Variants in CNTNAP1 observed in about 807,000 individuals in gnomAD.
The protein encoded by CNTNAP1 is contactin associated protein 1.
Under a neutral mutation model 161.5 loss-of-function variants are expected in CNTNAP1, and 80 were observed. The ratio of observed to expected loss-of-function variants is 0.50; its 90% CI spans 0.41 to 0.60. CNTNAP1 has a LOEUF of 0.60. Among genes scored for constraint, CNTNAP1 ranks in the 20% least tolerant of loss-of-function variants. The pLI, the probability that CNTNAP1 is intolerant of heterozygous loss-of-function variation, is 0.00. For missense variants in CNTNAP1, 1,464 were observed against 1,854.8 expected (o/e 0.79, Z 3.87); for synonymous variants, 695 against 733.1 (o/e 0.95, Z 0.84).
At chr17:42,694,251 A>C (rs905465504) in intron 18 of CNTNAP1, among the ~76,000 whole-genome samples, 2 of 150,804 alleles carry the variant, frequency 1.3e-5, no homozygotes, top group African/African-American at 2.4e-5. Context: ...GGCTCACTGC[A>C]ACCTCCACCT....
chr17:42,698,651 G>T lies in CNTNAP1; in HGVS notation c.3896G>T (p.Gly1299Val). 6.2e-7 allele frequency: 1 copy of T among 1,602,974 alleles called. No individual in the cohort carries two copies. Among genetic ancestry groups the T allele is most frequent in the Non-Finnish European group, 8.5e-7 (1 of 1,171,576 alleles). The part of the protein sequence containing the change: ...LVAFLLLGLV[G>V]MLVLFYLQNH... ...GCCTTTCTGCTGCTGGGGCTGGTGGGAATGTTGGTGCTCTTCTATCTGCAA... is the reference window on the plus strand; with the variant it reads ...GCCTTTCTGCTGCTGGGGCTGGTGGTAATGTTGGTGCTCTTCTATCTGCAA... Residue 1299 changes from glycine to valine, a missense_variant, in exon 24 of 24, where the codon GGA (glycine) becomes GTA (valine). Around this residue, in one of 3 missense-constraint regions of CNTNAP1, gnomAD observed 1,383 missense variants for 1,765.0 expected, o/e 0.78. Coordinates refer to ENST00000264638, the MANE Select transcript of CNTNAP1 (RefSeq NM_003632.3).
In CNTNAP1 at chr17:42,698,626, G is replaced by T; in HGVS notation, c.3871G>T (p.Ala1291Ser). The stretch of plus-strand genomic sequence containing the variant: ...CCTTTTCTTCTTTTCAGTTTTGGTG[G>T]CCTTTCTGCTGCTGGGGCTGGTGGG... The part of the protein sequence containing the change: ...WVAILLGFLV[A>S]FLLLGLVGML... Residue 1291 changes from alanine (A) to serine (S), a missense_variant, in exon 24 of 24, where the codon GCC becomes TCC. Around this residue, in one of 3 missense-constraint regions of CNTNAP1, gnomAD observed 1,383 missense variants for 1,765.0 expected, o/e 0.78. Coordinates refer to ENST00000264638, the MANE Select transcript of CNTNAP1 (RefSeq NM_003632.3). 6.3e-7 allele frequency: 1 copy of T among 1,595,230 alleles called. No individual in the cohort carries two copies. The highest frequency in any genetic ancestry group is 1.1e-5 in the South Asian group (1 of 89,970).
chr17:42,693,229 G>T (rs2053113077), intron 17 of CNTNAP1, 68 bp from the exon 18 acceptor site: 1 of 1,590,938 alleles, frequency 6.3e-7, no homozygotes, highest in Non-Finnish European at 8.6e-7. Context: ...AAAGTGCTGG[G>T]ATTACAGGCG....
In CNTNAP1 at chr17:42,688,952, G is replaced by A. The variant is rs770809663; in HGVS notation, c.1533G>A (p.Lys511=). The A allele has an allele frequency of 1.2e-6, 2 of 1,614,096 alleles. No homozygotes were observed. The highest frequency in any genetic ancestry group is 1.7e-6 in the Non-Finnish European group (2 of 1,180,002). Residue 511 remains lysine (K), a synonymous_variant, in exon 10 of 24, where the codon AAG becomes AAA. Transcript: ENST00000264638. ...TAFHGCMELL[K]VDGQLVNLTL... is the part of the protein sequence containing the mutation. ...TCCATGGCTGCATGGAGCTGCTCAA[G>A]GTGGATGGTCAACTGGTCAACCTGA...
At position 42,691,874 on chromosome 17, in the gene CNTNAP1, C is replaced by A; in HGVS notation, c.2413C>A (p.His805Asn). 1.2e-6 allele frequency: 2 copies of A among 1,614,198 alleles called. No homozygotes were observed. The highest frequency in any genetic ancestry group is 8.5e-7 in the Non-Finnish European group (1 of 1,180,034). The change falls in exon 16 of 24, where the codon CAC becomes AAC. Residue 805 changes from histidine (H) to asparagine (N), a missense_variant. Transcript: ENST00000264638. The surrounding 1 kb of genome is among the most constrained non-coding windows in gnomAD (Gnocchi z 4.3). ...ALRFPPIRAN[H>N]SLDVSFYFRT... Reference sequence around the variant, plus strand: ...ACGCTTCCCCCCAATCCGTGCCAACCACAGCCTGGATGTCTCCTTCTACTT... The same window carrying A: ...ACGCTTCCCCCCAATCCGTGCCAACAACAGCCTGGATGTCTCCTTCTACTT...
intron 17 of CNTNAP1, 124 bp from the exon 18 acceptor site, chr17:42,693,173 A>C (rs1447650534): frequency 8.8e-7 from 1 of 1,133,068 alleles, no homozygotes; most frequent in Admixed American, 2.1e-5. Flanking sequence ...GTTAGCCAGG[A>C]TGGTCTCGAT....
intron 11 of CNTNAP1, 152 bp downstream of exon 11, chr17:42,689,779 T>G (rs1049301606): frequency 7.4e-6 from 5 of 674,116 alleles, no homozygotes; most frequent in Non-Finnish European, 1.3e-5. Flanking sequence ...CTTGCTCTGT[T>G]GCCCAGGCTA....
intron 2 of CNTNAP1, 24 bp from the exon 3 acceptor site, chr17:42,684,011 GT>G: frequency 6.2e-7 from 1 of 1,613,588 alleles, no homozygotes; most frequent in Non-Finnish European, 8.5e-7. Flanking sequence ...GGGATAGCCG[GT>G]TAAAGCTCCT....
At position 42,692,652 on chromosome 17, in the gene CNTNAP1, C is replaced by T. The variant is rs749955095; in HGVS notation, c.2684C>T (p.Pro895Leu). ...KQARLRVDHR[P>L]WVLRPMPLQT... ...GCCCGGCTCCGAGTGGATCACCGGC[C>T]CTGGGTTCTGCGGCCTATGCCACTG... is the stretch of plus-strand genomic sequence containing the variant. Residue 895 changes from proline (P) to leucine (L), a missense_variant, in exon 17 of 24, where the codon CCC (proline) becomes CTC (leucine). Transcript: ENST00000264638. 6.2e-7 allele frequency: 1 copy of T among 1,614,176 alleles called. No individual in the cohort carries two copies. The highest frequency in any genetic ancestry group is 8.5e-7 in the Non-Finnish European group (1 of 1,180,034).
rs2053143194 is a variant in CNTNAP1 at position 42,695,713 on chromosome 17, AC to A, written c.3190del (p.Arg1064GlyfsTer70). Reference protein sequence around the residue: ...YHGPGYRLPDYPRPGRPVPGY... With the variant: ...YHGPGYRLPDXPRPGRPVPGY... ...GGCCCCGGGTACCGCCTGCCCGACT[AC>A]CCCCGGCCTGGTCGGCCTGTGCCCG... On this transcript the variant is annotated frameshift_variant, in exon 19 of 24. Transcript: ENST00000264638. LOFTEE classifies it high-confidence loss of function. 6.2e-7 allele frequency: 1 copy of A among 1,613,812 alleles called. No individual in the cohort carries two copies.
rs1232039083 is a variant in CNTNAP1, at chr17:42,697,500, A to G, written c.3569-54A>G. On this transcript the variant is annotated intron_variant, in intron 21 of 23. Coordinates refer to ENST00000264638, the MANE Select transcript of CNTNAP1 (RefSeq NM_003632.3). The stretch of plus-strand genomic sequence containing the variant: ...GAGTGGGAAACCTGTGGACAGTGAG[A>G]GTGGCAGGGCCTTTGGGTCCAAGTC... The G allele has an allele frequency of 5.6e-6, 9 of 1,610,460 alleles. No individual in the cohort carries two copies. The African/African-American group carries it at 1.2e-4, about 22-fold the overall frequency.
chr17:42,687,852 G>T lies in CNTNAP1; in HGVS notation c.1177G>T (p.Asp393Tyr), dbSNP rs1209653208. The change falls in exon 8 of 24, where the codon GAC becomes TAC. Residue 393 changes from aspartate (D) to tyrosine (Y), a missense_variant. Asp to Tyr is a radical substitution (Grantham distance 160). Around this residue, in one of 3 missense-constraint regions of CNTNAP1, gnomAD observed 1,383 missense variants for 1,765.0 expected, o/e 0.78. Coordinates refer to ENST00000264638, the MANE Select transcript of CNTNAP1 (RefSeq NM_003632.3). This position sits in a 1 kb window ranked among gnomAD's most constrained non-coding sequence, Gnocchi z 4.7. Reference sequence around the variant, plus strand: ...AGTCTCATTTCGCTTCCGCACCTGGGACCTCACCGGGCTTCTCCTTTTCTC... The same window carrying T: ...AGTCTCATTTCGCTTCCGCACCTGGTACCTCACCGGGCTTCTCCTTTTCTC... ...LAVSFRFRTWDLTGLLLFSRL... is the reference protein window; with the variant it reads ...LAVSFRFRTWYLTGLLLFSRL... 6.2e-7 allele frequency: 1 copy of T among 1,614,228 alleles called. No homozygotes were observed. The highest frequency in any genetic ancestry group is 1.1e-5 in the South Asian group (1 of 91,084).
intron 18 of CNTNAP1, among the ~76,000 whole-genome samples, chr17:42,694,176 C>CT (rs1335535599): frequency 0.017 from 2,365 of 142,132 alleles, 57 homozygotes; most frequent in African/African-American, 0.056. Flanking sequence ...TTTCTTTTTT[C>CT]TTTTTTTTTT....
intron 3 of CNTNAP1, 108 bp from the exon 4 acceptor site, chr17:42,684,883 C>T: frequency 7.7e-7 from 1 of 1,293,908 alleles, no homozygotes; most frequent in South Asian, 1.5e-5. Context: ...CGAGATCGTA[C>T]CACCGCACTC....
At position 42,699,123 on chromosome 17, in the gene CNTNAP1, A is replaced by C; in HGVS notation, c.*213A>C. On this transcript the variant is annotated 3_prime_UTR_variant, in exon 24 of 24. Coordinates refer to ENST00000264638, the MANE Select transcript of CNTNAP1 (RefSeq NM_003632.3). Reference sequence around the variant, plus strand: ...CACTGCCTAAACCAATGCCCTTCTCATCCCTGTTTCCCCAGGCTCCTGGCT... The same window carrying C: ...CACTGCCTAAACCAATGCCCTTCTCCTCCCTGTTTCCCCAGGCTCCTGGCT... 1 of 437,406 alleles carries C rather than the reference A, an allele frequency of 2.3e-6. No individual in the cohort carries two copies. The highest frequency in any genetic ancestry group is 4.0e-6 in the Non-Finnish European group (1 of 249,876). 27.1% of individuals were successfully genotyped at this position (437,406 alleles called of 1,614,324 possible).
At chr17:42,683,041 C>G in intron 1 of CNTNAP1, 145 bp downstream of exon 1, 1 of 778,024 alleles carries the variant, frequency 1.3e-6, no homozygotes, top group East Asian at 2.9e-5. Context: ...CCTGCCTCTC[C>G]CCCGCGCTCC....
chr17:42,694,333 G>A (rs758318216), intron 18 of CNTNAP1, among the ~76,000 whole-genome samples: 11 of 151,530 alleles, frequency 7.3e-5, no homozygotes, highest in East Asian at 1.9e-4. Context: ...CACCACACCC[G>A]GCTAATTTTT....
chr17:42,684,886 C>T (rs1360454543), intron 3 of CNTNAP1, 105 bp from the exon 4 acceptor site: 4 of 1,340,194 alleles, frequency 3.0e-6, no homozygotes, highest in Non-Finnish European at 4.0e-6. Flanking sequence ...GATCGTACCA[C>T]CGCACTCCAG....
At chr17:42,683,541 T>C in intron 1 of CNTNAP1, 2 of 1,295,604 alleles carry the variant, frequency 1.5e-6, no homozygotes, top group Non-Finnish European at 2.0e-6. Context: ...TTTGGGAAAG[T>C]ACTAAACCAG....
Sources: allele counts gnomAD v4.1 joint callset (sites outside exome capture counted in the v4.1 genomes callset), GRCh38; gene constraint gnomAD v4.1.1; regional missense constraint gnomAD v4.1.1; non-coding constraint Gnocchi (gnomAD v3.1); transcripts MANE v1.5; gene names NCBI Gene and HGNC (gene_info 2026-07-23, HGNC 2026-07-21).